The following TRIM33 variants were observed in gnomAD, a reference collection of about 807,000 sequenced individuals.
The protein encoded by TRIM33 is E3 ubiquitin-protein ligase TRIM33.
A neutral mutation model predicts 125.4 loss-of-function variants in TRIM33; 20 were observed. The observed-to-expected ratio is 0.16, with a 90% CI of 0.11 to 0.23. The LOEUF (loss-of-function observed/expected upper bound fraction) is 0.23. Among genes scored for constraint, TRIM33 ranks in the 10% least tolerant of loss-of-function variants. The probability of loss-of-function intolerance (pLI) is 1.00; values close to 1 mark genes in which losing one functional copy is unlikely to be tolerated. For missense variants in TRIM33, 920 were observed against 1,411.4 expected (o/e 0.65, Z 5.58); for synonymous variants, 564 against 513.9 (o/e 1.10, Z -1.32).
At chr1:114,479,083 A>T (rs954815052) in intron 1 of TRIM33, among the ~76,000 whole-genome samples, 2 of 152,202 alleles carry the variant, frequency 1.3e-5, no homozygotes, top group Admixed American at 1.3e-4. Context: ...GAACTTGTAG[A>T]TGGATAAATT....
At chr1:114,442,192 T>C (rs1178944370) in intron 4 of TRIM33, among the ~76,000 whole-genome samples, 2 of 152,210 alleles carry the variant, frequency 1.3e-5, no homozygotes, top group African/African-American at 4.8e-5. Flanking sequence ...TGAATACTCA[T>C]TTGTTGAGTG....
chr1:114,500,382 C>T, intron 1 of TRIM33, among the ~76,000 whole-genome samples: 1 of 151,980 alleles, frequency 6.6e-6, no homozygotes, highest in Non-Finnish European at 1.5e-5. Flanking sequence ...GGCTGGAGTA[C>T]AGTTGCTATT....
chr1:114,472,450 T>C (rs776916698), intron 1 of TRIM33, among the ~76,000 whole-genome samples: 17 of 152,226 alleles, frequency 1.1e-4, no homozygotes, highest in Non-Finnish European at 2.4e-4. Context: ...AATACAGAAG[T>C]GGCCAGATGC....
intron 1 of TRIM33, among the ~76,000 whole-genome samples, chr1:114,502,860 C>CA (rs967375033): frequency 9.9e-5 from 15 of 150,826 alleles, no homozygotes; most frequent in African/African-American, 2.4e-4. Context: ...TTTCCTAAAA[C>CA]AAAAAAAAAT....
intron 18 of TRIM33, among the ~76,000 whole-genome samples, chr1:114,398,629 G>A (rs935447340): frequency 1.3e-5 from 2 of 151,908 alleles, no homozygotes; most frequent in Non-Finnish European, 2.9e-5. Flanking sequence ...GATGCTTCCA[G>A]AGGCAGCTAT....
rs545772413 is a variant in TRIM33, at chr1:114,424,714, G to A, written c.1737C>T (p.Asn579=). ...LISVQTMQRG[N]MNCGAFQAHQ... ...GGGCTTGAAAAGCTCCACAGTTCAT[G>A]TTGCCTCTTTGCATTGTTTGCACAC... The change falls in exon 10 of 20, where the codon AAC becomes AAT. Residue 579 remains asparagine (N), a synonymous_variant. Transcript: ENST00000358465. 3.7e-6 allele frequency: 6 copies of A among 1,608,068 alleles called. No individual in the cohort carries two copies. The highest frequency in any genetic ancestry group is 4.2e-6 in the Non-Finnish European group (5 of 1,176,970).
intron 15 of TRIM33, chr1:114,405,198 G>C (rs960769794): frequency 1.0e-5 from 5 of 486,890 alleles, no homozygotes; most frequent in African/African-American, 7.9e-5. Flanking sequence ...AAGGCCAGGA[G>C]ATGAAATCTA....
At chr1:114,486,864 A>C (rs1471997801) in intron 1 of TRIM33, among the ~76,000 whole-genome samples, 2 of 152,128 alleles carry the variant, frequency 1.3e-5, no homozygotes, top group Admixed American at 1.3e-4. Context: ...AGGCAGGTGG[A>C]TCACTTGAGG....
intron 1 of TRIM33, among the ~76,000 whole-genome samples, chr1:114,490,111 G>GAAAAAAA (rs1651970618): frequency 2.6e-5 from 3 of 115,540 alleles, no homozygotes; most frequent in African/African-American, 6.8e-5. Context: ...AAAAGAAAAG[G>GAAAAAAA]AAAGGAAAGA....
At chr1:114,436,255 AG>A (rs1648287320) in intron 4 of TRIM33, among the ~76,000 whole-genome samples, 2 of 151,554 alleles carry the variant, frequency 1.3e-5, no homozygotes, top group Non-Finnish European at 2.9e-5. Flanking sequence ...CAAAAAAATT[AG>A]CCCGGCATGG....
At chr1:114,415,851 C>T (rs890566278) in intron 11 of TRIM33, among the ~76,000 whole-genome samples, 1 of 150,188 alleles carries the variant, frequency 6.7e-6, no homozygotes, top group Non-Finnish European at 1.5e-5. Flanking sequence ...ACTCTGGAGG[C>T]TGAGGCATAA....
chr1:114,493,324 C>T (rs887527821), intron 1 of TRIM33, among the ~76,000 whole-genome samples: 1 of 152,162 alleles, frequency 6.6e-6, no homozygotes, highest in Admixed American at 6.5e-5. Context: ...TACTTTCTCC[C>T]ATTCTGCAGG....
At chr1:114,471,372 C>T (rs1302895036) in intron 1 of TRIM33, among the ~76,000 whole-genome samples, 1 of 150,786 alleles carries the variant, frequency 6.6e-6, no homozygotes, top group Non-Finnish European at 1.5e-5. Context: ...ACCCAGGAGG[C>T]GGAGACTGCA....
chr1:114,486,337 A>G (rs1361453930), intron 1 of TRIM33, among the ~76,000 whole-genome samples: 1 of 151,726 alleles, frequency 6.6e-6, no homozygotes, highest in South Asian at 2.1e-4. Context: ...AAAGTTATAG[A>G]AAAAAAAGAC....
Position 114,427,795 on chromosome 1 carries a change from C to A in TRIM33, c.1255G>T (p.Ala419Ser). Residue 419 changes from alanine (A) to serine (S), a missense_variant, in exon 7 of 20, where the codon GCA (alanine) becomes TCA (serine). This residue lies in a region of TRIM33 where 407 missense variants were observed against 589.7 expected (regional missense o/e 0.69). Transcript: ENST00000358465. ...VKHVMNFTNW[A>S]IASGSSTALL... ...GCTGTGCTGCTGCCACTTGCAATTG[C>A]CCAATTTGTGAAGTTCATAACATGC... is the stretch of plus-strand genomic sequence containing the variant. 2 of 1,614,112 alleles carry A rather than the reference C, an allele frequency of 1.2e-6. No homozygotes were observed. Among genetic ancestry groups the A allele is most frequent in the Non-Finnish European group, 1.7e-6 (2 of 1,179,994 alleles).
At chr1:114,426,301 T>C (rs547963200) in intron 8 of TRIM33, among the ~76,000 whole-genome samples, 1 of 152,256 alleles carries the variant, frequency 6.6e-6, no homozygotes, top group South Asian at 2.1e-4. Context: ...GCTTTCCCTG[T>C]AATGGGCTAT....
intron 1 of TRIM33, among the ~76,000 whole-genome samples, chr1:114,502,676 T>C (rs562168333): frequency 4.6e-5 from 7 of 151,884 alleles, no homozygotes; most frequent in African/African-American, 1.4e-4. Context: ...TCGGATAATT[T>C]TTTTATTTTT....
rs922505035 is a variant in TRIM33 at position 114,392,919 on chromosome 1, T to G, written c.*4729A>C. On this transcript the variant is annotated 3_prime_UTR_variant, in exon 20 of 20. Coordinates refer to ENST00000358465, the MANE Select transcript of TRIM33 (RefSeq NM_015906.4). ...ATAACAAGAATTATTTACAGGCAGC[T>G]AATGTATTAAATAACCATGAAAAGA... 5.1e-6 allele frequency: 1 copy of G among 196,124 alleles called. No homozygotes were observed. Among genetic ancestry groups the G allele is most frequent in the African/African-American group, 2.3e-5 (1 of 43,334 alleles). 12.1% of individuals were successfully genotyped at this position (196,124 alleles called of 1,614,324 possible). A position where few individuals can be genotyped will look rare whatever the true frequency, so the allele number is the denominator to read the frequency against.
At chr1:114,422,118 C>T (rs1647236506) in intron 10 of TRIM33, among the ~76,000 whole-genome samples, 1 of 152,162 alleles carries the variant, frequency 6.6e-6, no homozygotes, top group African/African-American at 2.4e-5. Flanking sequence ...CACATAATCT[C>T]AGTCATTTAG....
Sources: allele counts gnomAD v4.1 joint callset (sites outside exome capture counted in the v4.1 genomes callset), GRCh38; gene constraint gnomAD v4.1.1; regional missense constraint gnomAD v4.1.1; transcripts MANE v1.5; gene names NCBI Gene and HGNC (gene_info 2026-07-23, HGNC 2026-07-21).